HTRA3: variants seen among roughly 807,000 people sequenced by gnomAD.
The protein encoded by HTRA3 is serine protease HTRA3.
A neutral mutation model predicts 43.2 loss-of-function variants in HTRA3; 41 were observed. That is an observed-to-expected ratio of 0.95 (90% CI 0.74 to 1.23). The LOEUF is 1.23. Ranked by LOEUF, HTRA3 falls within the 50% of genes most tolerant of loss-of-function variation. The probability of loss-of-function intolerance (pLI) is 0.00; values close to 1 mark genes in which losing one functional copy is unlikely to be tolerated. For synonymous variants in HTRA3, 295 were observed against 287.9 expected (o/e 1.02, Z -0.25); for missense variants, 628 against 647.1 (o/e 0.97, Z 0.32).
At chr4:8,271,610 C>T (rs909387553) in intron 1 of HTRA3, among the ~76,000 whole-genome samples, 1 of 152,198 alleles carries the variant, frequency 6.6e-6, no homozygotes, top group African/African-American at 2.4e-5. Context: ...GTATTTCTCG[C>T]AGCTCTGGAG....
Position 8,291,406 on chromosome 4 carries a change from G to A in HTRA3, c.745G>A (p.Asp249Asn), listed in dbSNP as rs201174070. 7.4e-6 allele frequency: 12 copies of A among 1,613,426 alleles called. No individual in the cohort carries two copies. Among genetic ancestry groups the A allele is most frequent in the South Asian group, 2.2e-5 (2 of 91,084 alleles). ...TGTGTTGTTGCTGGGTCACTCGGCC[G>A]ACCTGCGGCCTGGGGAGTTTGTGGT... ...LPVLLLGHSA[D>N]LRPGEFVVAI... The change falls in exon 4 of 9, where the codon GAC becomes AAC. Residue 249 changes from aspartate to asparagine, a missense_variant. Transcript: ENST00000307358.
chr4:8,274,407 G>A (rs1712434076), intron 1 of HTRA3, among the ~76,000 whole-genome samples: 1 of 152,210 alleles, frequency 6.6e-6, no homozygotes, highest in South Asian at 2.1e-4. Flanking sequence ...GCACACAGAT[G>A]TGACTGTGGG....
chr4:8,292,030 G>T (rs1713265364), intron 4 of HTRA3, among the ~76,000 whole-genome samples: 1 of 152,218 alleles, frequency 6.6e-6, no homozygotes, highest in Non-Finnish European at 1.5e-5. Flanking sequence ...AGGATGGGAA[G>T]TAATACCCCC....
rs1578794090 is a variant in HTRA3 at position 8,283,191 on chromosome 4, G to A, written c.485+655G>A. ...TGAATGAGTGAGGGAGGGAATGAGTGAGTGTCCAATGGATGAGTAAAAGAA... is the reference window on the plus strand; with the variant it reads ...TGAATGAGTGAGGGAGGGAATGAGTAAGTGTCCAATGGATGAGTAAAAGAA... On this transcript the variant is annotated intron_variant, in intron 2 of 8. Coordinates refer to ENST00000307358, the MANE Select transcript of HTRA3 (RefSeq NM_053044.5). Among the ~76,000 whole-genome samples the A allele has an allele frequency of 2.0e-5, 3 of 152,334 alleles. No homozygotes were observed. The South Asian group carries it at 6.2e-4, about 32-fold the overall frequency.
chr4:8,293,306 C>A (rs1713314865), intron 5 of HTRA3, among the ~76,000 whole-genome samples: 1 of 152,180 alleles, frequency 6.6e-6, no homozygotes, highest in Non-Finnish European at 1.5e-5. Flanking sequence ...ATGGTCCAGG[C>A]AGTAGAGATG....
rs1249844486 is a variant in HTRA3 at position 8,279,387 on chromosome 4, C to T, written c.386-3050C>T. ...AATCATCCCCTATAAAATCGAGTGT[C>T]ACCTATTTTAAGTGACCTCTGGGAG... On this transcript the variant is annotated intron_variant, in intron 1 of 8. Coordinates refer to ENST00000307358, the MANE Select transcript of HTRA3 (RefSeq NM_053044.5). This position sits in a 1 kb window ranked among gnomAD's most constrained non-coding sequence, Gnocchi z 7.4. Among the ~76,000 whole-genome samples, 2 of 152,180 alleles carry T rather than the reference C, an allele frequency of 1.3e-5. No homozygotes were observed. Among genetic ancestry groups the T allele is most frequent in the Non-Finnish European group, 2.9e-5 (2 of 68,042 alleles).
intron 5 of HTRA3, among the ~76,000 whole-genome samples, chr4:8,292,691 G>T (rs1713297331): frequency 6.6e-6 from 1 of 152,172 alleles, no homozygotes; most frequent in Admixed American, 6.5e-5. Context: ...AGGATGACAG[G>T]GGCACCCTCA....
intron 4 of HTRA3, 50 bp downstream of exon 4, chr4:8,291,614 C>T: frequency 7.1e-7 from 1 of 1,399,756 alleles, no homozygotes; most frequent in Middle Eastern, 2.6e-4. Flanking sequence ...GTGCCCAAGA[C>T]CTCAACCTCG....
At chr4:8,303,839 C>T (rs1713743717) in intron 7 of HTRA3, among the ~76,000 whole-genome samples, 1 of 152,158 alleles carries the variant, frequency 6.6e-6, no homozygotes, top group South Asian at 2.1e-4. Flanking sequence ...CATTCCATGA[C>T]TCAGCATTGC....
chr4:8,275,883 G>A (rs1712503702), intron 1 of HTRA3, among the ~76,000 whole-genome samples: 1 of 152,238 alleles, frequency 6.6e-6, no homozygotes, highest in Non-Finnish European at 1.5e-5. Flanking sequence ...AGGTCCCCTG[G>A]TTCCCCAGCC....
At chr4:8,294,887 A>C (rs1713402033) in intron 6 of HTRA3, among the ~76,000 whole-genome samples, 1 of 139,316 alleles carries the variant, frequency 7.2e-6, no homozygotes, top group African/African-American at 2.7e-5. Context: ...CATCCACCCA[A>C]CCACTCATTT....
At chr4:8,299,346 T>C (rs566817298) in intron 6 of HTRA3, among the ~76,000 whole-genome samples, 1 of 152,382 alleles carries the variant, frequency 6.6e-6, no homozygotes, top group African/African-American at 2.4e-5. Context: ...AGATATCCTG[T>C]AAGCTTGATA....
At chr4:8,287,251 A>G (rs769301673) in intron 3 of HTRA3, among the ~76,000 whole-genome samples, 2 of 152,090 alleles carry the variant, frequency 1.3e-5, no homozygotes, top group East Asian at 1.9e-4. Context: ...GCCTGCACTG[A>G]GGCCCCCAGA....
rs116094095 is a variant in HTRA3, at chr4:8,298,788, G to A, written c.1052-3675G>A. ...GACTGTTCTCTACTGAAGTGCCTTCGCACCGTTGTCCAAAAGAGAATGACC... is the reference window on the plus strand; with the variant it reads ...GACTGTTCTCTACTGAAGTGCCTTCACACCGTTGTCCAAAAGAGAATGACC... On this transcript the variant is annotated intron_variant, in intron 6 of 8. Coordinates refer to ENST00000307358, the MANE Select transcript of HTRA3 (RefSeq NM_053044.5). Among the ~76,000 whole-genome samples, 791 of 152,266 alleles carry A rather than the reference G, an allele frequency of 5.2e-3. 8 individuals carry two copies. The highest frequency in any genetic ancestry group is 0.018 in the African/African-American group (761 of 41,536).
chr4:8,271,268 A>G (rs1250435076), intron 1 of HTRA3, among the ~76,000 whole-genome samples: 1 of 152,082 alleles, frequency 6.6e-6, no homozygotes, highest in Admixed American at 6.5e-5. Flanking sequence ...AAGTGTTTTC[A>G]TGGTGTAAAA....
In HTRA3 at chr4:8,302,474, C is replaced by T. The variant is rs754462983; in HGVS notation, c.1063C>T (p.Arg355Cys). 15 of 1,613,922 alleles carry T rather than the reference C, an allele frequency of 9.3e-6. No homozygotes were observed. The East Asian group carries it at 1.8e-4, about 19-fold the overall frequency. ...QDKQIKDWKK[R>C]FIGIRMRTIT... ...TGTTTCATTTCCAGACTGGAAGAAG[C>T]GCTTCATCGGCATACGGATGCGGAC... The change falls in exon 7 of 9, where the codon CGC becomes TGC. Residue 355 changes from arginine (R) to cysteine (C), a missense_variant. Arg to Cys is a radical substitution (Grantham distance 180). Coordinates refer to ENST00000307358, the MANE Select transcript of HTRA3 (RefSeq NM_053044.5).
rs375712905 is a variant in HTRA3, at chr4:8,305,998, C to T, written c.1224C>T (p.Ile408=). ...GCGGCATCCAAGATGGTGACATCAT[C>T]GTCAAGGTCAACGGGCGTCCTCTAG... ...QRGGIQDGDI[I]VKVNGRPLVD... is the part of the protein sequence containing the mutation. The change falls in exon 9 of 9, where the codon ATC becomes ATT. Residue 408 remains isoleucine, a synonymous_variant. Transcript: ENST00000307358. The T allele has an allele frequency of 4.3e-5, 70 of 1,612,052 alleles. No individual in the cohort carries two copies. The African/African-American group carries it at 8.2e-4, about 19-fold the overall frequency.
chr4:8,284,088 T>C (rs760398091), intron 2 of HTRA3, among the ~76,000 whole-genome samples: 2 of 152,168 alleles, frequency 1.3e-5, no homozygotes, highest in African/African-American at 2.4e-5. Flanking sequence ...CCCTGGGCTG[T>C]GGGCTGTGTA....
At chr4:8,282,702 TG>T (rs956784876) in intron 2 of HTRA3, among the ~76,000 whole-genome samples, 166 bp downstream of exon 2, 1 of 152,168 alleles carries the variant, frequency 6.6e-6, no homozygotes. Flanking sequence ...TGTGTGCCCC[TG>T]GGGAAGGACA....
Sources: allele counts gnomAD v4.1 joint callset (sites outside exome capture counted in the v4.1 genomes callset), GRCh38; gene constraint gnomAD v4.1.1; non-coding constraint Gnocchi (gnomAD v3.1); transcripts MANE v1.5; gene names NCBI Gene and HGNC (gene_info 2026-07-23, HGNC 2026-07-21).